Variants in DTD1 observed in about 807,000 individuals in gnomAD.
DTD1 encodes D-tyrosyl-tRNA deacylase 1 homolog.
A neutral mutation model predicts 25.6 loss-of-function variants in DTD1; 13 were observed. That is an observed-to-expected ratio of 0.51 (90% CI 0.33 to 0.81). The LOEUF (loss-of-function observed/expected upper bound fraction) is 0.81. Ranked by LOEUF, DTD1 falls within the 30% of genes least tolerant of loss-of-function variation. The probability of loss-of-function intolerance (pLI) is 0.02; values close to 1 mark genes in which losing one functional copy is unlikely to be tolerated. For synonymous variants in DTD1, 110 were observed against 103.6 expected, an observed-to-expected ratio of 1.06 and a Z score of -0.37; for missense variants, 193 against 266.4, an observed-to-expected ratio of 0.72 and a Z score of 1.92.
chr20:18,658,920 G>A (rs1160454907), intron 4 of DTD1, among the ~76,000 whole-genome samples: 2 of 152,224 alleles, frequency 1.3e-5, no homozygotes, highest in African/African-American at 4.8e-5. Context: ...CTTGGGTGTG[G>A]CATCTGACAG....
At chr20:18,719,167 A>G (rs771981213) in intron 4 of DTD1, among the ~76,000 whole-genome samples, 2 of 152,076 alleles carry the variant, frequency 1.3e-5, no homozygotes, top group Non-Finnish European at 2.9e-5. Context: ...CTTTCACACC[A>G]TCTTAAAGTT....
intron 4 of DTD1, among the ~76,000 whole-genome samples, chr20:18,670,331 C>A (rs1023696124): frequency 4.6e-5 from 7 of 152,168 alleles, no homozygotes; most frequent in Non-Finnish European, 7.3e-5. Flanking sequence ...TAGTGCACGC[C>A]TGTAATCCCA....
chr20:18,646,004 G>A lies in DTD1; in HGVS notation c.477+17771G>A, dbSNP rs184753113. On this transcript the variant is annotated intron_variant, in intron 4 of 5. Transcript: ENST00000377452. ...ATGTAGAATGCTTGGCATTTGAAAT[G>A]AGGTCATCCAAGGCCTTGGATTGCT... is the stretch of plus-strand genomic sequence containing the variant. Among the ~76,000 whole-genome samples, 3 of 152,298 alleles carry A rather than the reference G, an allele frequency of 2.0e-5. No homozygotes were observed. In the East Asian group the frequency reaches 5.8e-4, roughly 29 times the overall value.
intron 3 of DTD1, among the ~76,000 whole-genome samples, chr20:18,599,012 C>T (rs1378700917): frequency 6.6e-6 from 1 of 152,044 alleles, no homozygotes; most frequent in Non-Finnish European, 1.5e-5. Context: ...TAACGTTTCT[C>T]TTTTCATGGC....
At chr20:18,603,327 A>T (rs2060643433) in intron 3 of DTD1, among the ~76,000 whole-genome samples, 1 of 108,536 alleles carries the variant, frequency 9.2e-6, no homozygotes, top group Non-Finnish European at 2.0e-5. Context: ...TAATAATGGG[A>T]GACTTTAACA....
At chr20:18,742,773 T>C (rs1487752450) in intron 4 of DTD1, among the ~76,000 whole-genome samples, 1 of 152,210 alleles carries the variant, frequency 6.6e-6, no homozygotes, top group African/African-American at 2.4e-5. Flanking sequence ...TACTGGTTGG[T>C]TGTTCATCTC....
chr20:18,725,285 C>T (rs1024799208), intron 4 of DTD1, among the ~76,000 whole-genome samples: 1 of 152,192 alleles, frequency 6.6e-6, no homozygotes, highest in African/African-American at 2.4e-5. Context: ...GCAGTAGTAA[C>T]TGGAGTGGCA....
intron 4 of DTD1, among the ~76,000 whole-genome samples, chr20:18,686,644 A>T (rs2061017642): frequency 9.8e-6 from 1 of 102,554 alleles, no homozygotes; most frequent in African/African-American, 3.3e-5. Context: ...TATATTTATT[A>T]GCTGTGTGTG....
intron 4 of DTD1, among the ~76,000 whole-genome samples, chr20:18,727,959 T>C (rs1280060766): frequency 2.0e-5 from 3 of 152,094 alleles, no homozygotes; most frequent in African/African-American, 7.2e-5. Flanking sequence ...ATGGAGAAGA[T>C]GGTTTGTTCA....
chr20:18,729,257 G>T (rs1235056311), intron 4 of DTD1, among the ~76,000 whole-genome samples: 1 of 152,214 alleles, frequency 6.6e-6, no homozygotes, highest in Non-Finnish European at 1.5e-5. Flanking sequence ...TCCGCCTCAT[G>T]GCTAAGGCTT....
Position 18,744,190 on chromosome 20 carries a change from AAAG to A in DTD1, c.573_575del (p.Glu191del), listed in dbSNP as rs1374506688. On this transcript the variant is annotated inframe_deletion, in exon 5 of 6. Transcript: ENST00000377452. Reference sequence around the variant, plus strand: ...AAGCAAGGAAAGAAACACTCCCCGAAAAGAAGACCGCAGTGCCAGCAGCGGGGC... The same window carrying A: ...AAGCAAGGAAAGAAACACTCCCCGAAAAGACCGCAGTGCCAGCAGCGGGGC... 3 of 1,612,232 alleles carry A rather than the reference AAAG, an allele frequency of 1.9e-6. No homozygotes were observed. Among genetic ancestry groups the A allele is most frequent in the East Asian group, 2.2e-5 (1 of 44,904 alleles).
intron 4 of DTD1, among the ~76,000 whole-genome samples, chr20:18,708,076 A>G (rs1333748099): frequency 1.3e-5 from 2 of 148,642 alleles, no homozygotes; most frequent in Non-Finnish European, 3.0e-5. Context: ...CCTGGTCCCA[A>G]TTGAGATGTG....
chr20:18,666,666 A>AT (rs2060932466), intron 4 of DTD1, among the ~76,000 whole-genome samples: 1 of 152,138 alleles, frequency 6.6e-6, no homozygotes, highest in Non-Finnish European at 1.5e-5. Flanking sequence ...TGATTTCACT[A>AT]TCTTCTTGGT....
intron 4 of DTD1, chr20:18,631,036 T>C: frequency 8.1e-6 from 8 of 984,716 alleles, no homozygotes; most frequent in African/African-American, 1.7e-5. Context: ...CCATGTTAGA[T>C]GAAGTGCTAA....
chr20:18,601,768 A>G (rs2060636362), intron 3 of DTD1, among the ~76,000 whole-genome samples: 1 of 152,072 alleles, frequency 6.6e-6, no homozygotes, highest in African/African-American at 2.4e-5. Flanking sequence ...CCGAAAACCC[A>G]TCTGTACATC....
chr20:18,721,503 ATCATTTT>A (rs1332026483), intron 4 of DTD1, among the ~76,000 whole-genome samples: 10 of 152,166 alleles, frequency 6.6e-5, no homozygotes, highest in Non-Finnish European at 1.5e-4. Context: ...AGCTTAGTTT[ATCATTTT>A]CCTTTTTTGT....
At chr20:18,588,949 T>C in intron 1 of DTD1, 2 of 881,546 alleles carry the variant, frequency 2.3e-6, no homozygotes, top group Non-Finnish European at 1.4e-6. Context: ...GTCTTTTCTG[T>C]CTTTATTGGC....
At chr20:18,606,939 A>G (rs1006100667) in intron 3 of DTD1, among the ~76,000 whole-genome samples, 30 of 151,700 alleles carry the variant, frequency 2.0e-4, no homozygotes, top group Non-Finnish European at 4.1e-4. Context: ...AAAAAAAAAA[A>G]GCCATTCCTA....
intron 3 of DTD1, among the ~76,000 whole-genome samples, chr20:18,603,806 C>T (rs2060646144): frequency 2.0e-5 from 2 of 101,440 alleles, no homozygotes; most frequent in African/African-American, 7.5e-5. Context: ...GCACTAAATG[C>T]CCACAAGAGA....
Sources: gnomAD v4.1 joint callset for allele counts (sites outside exome capture counted in the v4.1 genomes callset) on GRCh38, gnomAD v4.1.1 for gene constraint, MANE v1.5 for transcripts, NCBI Gene and HGNC (gene_info 2026-07-23, HGNC 2026-07-21) for gene names.